Variants in FHIP2A observed in about 807,000 individuals in gnomAD.
The protein encoded by FHIP2A is FHF complex subunit HOOK interacting protein 2A.
Under a neutral mutation model 93.5 loss-of-function variants are expected in FHIP2A, and 46 were observed. That is an observed-to-expected ratio of 0.49 (90% CI 0.39 to 0.63). FHIP2A has a LOEUF of 0.63. Among genes scored for constraint, FHIP2A ranks in the 20% least tolerant of loss-of-function variants. The pLI is 0.00. For missense variants in FHIP2A, 769 were observed against 909.7 expected (o/e 0.85, Z 1.99); for synonymous variants, 332 against 326.5 (o/e 1.02, Z -0.18).
intron 13 of FHIP2A, among the ~76,000 whole-genome samples, chr10:114,853,864 T>TCC (rs2083750823): frequency 6.6e-6 from 1 of 151,968 alleles, no homozygotes; most frequent in African/African-American, 2.4e-5. Context: ...CTGGACCTGG[T>TCC]GGCTCATGCC....
chr10:114,852,499 T>A (rs2083743171), intron 13 of FHIP2A, among the ~76,000 whole-genome samples: 1 of 152,220 alleles, frequency 6.6e-6, no homozygotes, highest in African/African-American at 2.4e-5. Flanking sequence ...GATTCATTCA[T>A]CTTCTATTCT....
At position 114,822,021 on chromosome 10, in the gene FHIP2A, G is replaced by A. The variant is rs1365633535; in HGVS notation, c.-58G>A. On this transcript the variant is annotated 5_prime_UTR_variant, in exon 1 of 17. Transcript: ENST00000369248. Reference sequence around the variant, plus strand: ...GGCAGCCGCAGCAGGGGCGGCGGCGGCGGATCGAGGAGCTCTCCAGGTCGT... The same window carrying A: ...GGCAGCCGCAGCAGGGGCGGCGGCGACGGATCGAGGAGCTCTCCAGGTCGT... 7.7e-6 allele frequency: 9 copies of A among 1,161,632 alleles called. No individual in the cohort carries two copies. The East Asian group carries it at 2.8e-4, about 37-fold the overall frequency. 72.0% of individuals were successfully genotyped at this position (1,161,632 alleles called of 1,614,324 possible). A position where few individuals can be genotyped will look rare whatever the true frequency, so the allele number is the denominator to read the frequency against.
intron 16 of FHIP2A, among the ~76,000 whole-genome samples, chr10:114,886,016 T>C (rs1481817998): frequency 6.6e-6 from 1 of 152,182 alleles, no homozygotes; most frequent in African/African-American, 2.4e-5. Context: ...TCACAACCTC[T>C]TGATGGCAGT....
intron 3 of FHIP2A, among the ~76,000 whole-genome samples, chr10:114,834,156 A>G (rs548577308): frequency 3.2e-4 from 48 of 152,356 alleles, no homozygotes; most frequent in East Asian, 1.3e-3. Flanking sequence ...AGAAACCTGT[A>G]GACACATTTT....
Position 114,833,312 on chromosome 10 carries a change from T to C in FHIP2A, c.204T>C (p.Asn68=). Residue 68 remains asparagine, a synonymous_variant, in exon 3 of 17, where the codon AAT becomes AAC. Coordinates refer to ENST00000369248, the MANE Select transcript of FHIP2A (RefSeq NM_020940.4). ...TAGATATACTGGTTCAAGAAGAAAA[T>C]GAACGGGAATCTGGAGAGACAGGGC... ...QMLDILVQEE[N]ERESGETGPC... The C allele has an allele frequency of 1.2e-6, 2 of 1,613,874 alleles. No individual in the cohort carries two copies. Among genetic ancestry groups the C allele is most frequent in the African/African-American group, 1.3e-5 (1 of 75,038 alleles).
At chr10:114,840,659 C>T (rs1313364248) in intron 5 of FHIP2A, among the ~76,000 whole-genome samples, 1 of 152,114 alleles carries the variant, frequency 6.6e-6, no homozygotes, top group African/African-American at 2.4e-5. Flanking sequence ...GAGGTAGGCT[C>T]TATATGGCCT....
At chr10:114,835,309 C>T (rs1482460417) in intron 3 of FHIP2A, among the ~76,000 whole-genome samples, 1 of 152,198 alleles carries the variant, frequency 6.6e-6, no homozygotes, top group African/African-American at 2.4e-5. Context: ...AGCCTGTGGT[C>T]TCACATGCTG....
chr10:114,831,255 C>T (rs913248490), intron 2 of FHIP2A, among the ~76,000 whole-genome samples: 1 of 152,046 alleles, frequency 6.6e-6, no homozygotes. Context: ...AGATGATAAG[C>T]GTCAAGGGAA....
intron 15 of FHIP2A, 152 bp from the exon 16 acceptor site, chr10:114,861,079 A>T: frequency 9.6e-7 from 1 of 1,038,070 alleles, no homozygotes; most frequent in Non-Finnish European, 1.4e-6. Context: ...TTAAAGAATT[A>T]GGTATGAGTC....
rs569713609 is a variant in FHIP2A at position 114,840,119 on chromosome 10, T to G, written c.523-2814T>G. On this transcript the variant is annotated intron_variant, in intron 5 of 16. Transcript: ENST00000369248. ...ATCTTTGAAATGAGGCTGGGCGCGG[T>G]GATTCACACCTGTAATCCTAGCACT... 7.2e-5 allele frequency among the ~76,000 whole-genome samples: 11 copies of G among 152,198 alleles called. No individual in the cohort carries two copies. In the South Asian group the frequency reaches 2.3e-3, roughly 32 times the overall value.
In FHIP2A at chr10:114,862,973, A is replaced by C; in HGVS notation, c.*1433A>C. ...AGGCTTGTTTTACACCTATCTGCTC[A>C]TTTTGTTGTGTTAGCTTTTCTGGTT... On this transcript the variant is annotated 3_prime_UTR_variant, in exon 17 of 17. Coordinates refer to ENST00000369248, the MANE Select transcript of FHIP2A (RefSeq NM_020940.4). The C allele has an allele frequency of 1.0e-6, 1 of 985,396 alleles. No homozygotes were observed. Among genetic ancestry groups the C allele is most frequent in the Non-Finnish European group, 1.2e-6 (1 of 829,914 alleles). The allele number at this position is 985,396 out of a possible 1,614,324, so 61.0% of individuals were successfully genotyped here. A position where few individuals can be genotyped will look rare whatever the true frequency, so the allele number is the denominator to read the frequency against.
chr10:114,858,526 C>T (rs2083779867), intron 14 of FHIP2A, among the ~76,000 whole-genome samples: 1 of 151,446 alleles, frequency 6.6e-6, no homozygotes. Flanking sequence ...TCTTAACTAC[C>T]TGCAGTGAAG....
intron 16 of FHIP2A, among the ~76,000 whole-genome samples, chr10:114,878,787 A>G (rs984886886): frequency 4.0e-4 from 58 of 143,412 alleles, no homozygotes; most frequent in Admixed American, 2.6e-3. Context: ...AAAAAAAAAA[A>G]AAAAAAAGAA....
chr10:114,843,369 G>A (rs1376307377), intron 6 of FHIP2A, 143 bp downstream of exon 6: 13 of 501,844 alleles, frequency 2.6e-5, no homozygotes, highest in African/African-American at 6.1e-5. Context: ...ACAGTGGTGC[G>A]ATCTTGGCTC....
chr10:114,860,627 C>T (rs1301324175), intron 14 of FHIP2A, 122 bp from the exon 15 acceptor site: 5 of 784,324 alleles, frequency 6.4e-6, no homozygotes, highest in Non-Finnish European at 1.1e-5. Flanking sequence ...ACTGGGATTA[C>T]AGGTGTGAGC....
At chr10:114,855,059 C>T (rs760558080) in intron 13 of FHIP2A, 138 bp from the exon 14 acceptor site, 3 of 782,922 alleles carry the variant, frequency 3.8e-6, no homozygotes, top group African/African-American at 1.7e-5. Context: ...CATCTCTTCC[C>T]CCTCTCCCTT....
intron 16 of FHIP2A, among the ~76,000 whole-genome samples, chr10:114,883,576 T>G (rs994580629): frequency 4.6e-5 from 7 of 152,134 alleles, no homozygotes; most frequent in African/African-American, 9.7e-5. Flanking sequence ...AGATTTATTT[T>G]TTTGTTTGTT....
chr10:114,880,986 A>G lies in FHIP2A; in HGVS notation c.2193-18504A>G, dbSNP rs555261921. Reference sequence around the variant, plus strand: ...TGGAAATTCCATTTTACAGAGGCCAATGGTAACTTTCCAGTATAAACATAA... The same window carrying G: ...TGGAAATTCCATTTTACAGAGGCCAGTGGTAACTTTCCAGTATAAACATAA... On this transcript the variant is annotated intron_variant, in intron 16 of 16. Transcript: ENST00000369250. Among the ~76,000 whole-genome samples, 6 of 152,290 alleles carry G rather than the reference A, an allele frequency of 3.9e-5. No homozygotes were observed. The East Asian group carries it at 5.8e-4, about 15-fold the overall frequency.
chr10:114,830,036 A>G (rs758314590), intron 1 of FHIP2A, among the ~76,000 whole-genome samples: 1 of 152,152 alleles, frequency 6.6e-6, no homozygotes, highest in Non-Finnish European at 1.5e-5. Flanking sequence ...TAAAAAAGAA[A>G]AGATTTACAT....
Sources: allele counts gnomAD v4.1 joint callset (sites outside exome capture counted in the v4.1 genomes callset), GRCh38; gene constraint gnomAD v4.1.1; transcripts MANE v1.5; gene names NCBI Gene and HGNC (gene_info 2026-07-23, HGNC 2026-07-21).